RPRD2: variants seen among roughly 807,000 people sequenced by gnomAD.
RPRD2 encodes regulation of nuclear pre-mRNA domain containing 2, also known as regulation of nuclear pre-mRNA domain-containing protein 2.
In RPRD2, 12 loss-of-function variants were observed where a neutral mutation model predicts 104.4. The ratio of observed to expected loss-of-function variants is 0.11; its 90% CI spans 0.07 to 0.19. The LOEUF (loss-of-function observed/expected upper bound fraction) is 0.19, where lower values mean the gene tolerates loss of function less well. RPRD2 is among the 10% of genes least tolerant of loss of function. The pLI is 1.00. For missense variants in RPRD2, 1,543 were observed against 1,790.1 expected (o/e 0.86, Z 2.49); for synonymous variants, 714 against 684.9 (o/e 1.04, Z -0.66).
chr1:150,364,615 C>T lies in RPRD2; in HGVS notation c.-100C>T. 2 of 651,192 alleles carry T rather than the reference C, an allele frequency of 3.1e-6. No homozygotes were observed. The highest frequency in any genetic ancestry group is 1.9e-5 in the South Asian group (1 of 53,184). 40.3% of individuals were successfully genotyped at this position (651,192 alleles called of 1,614,324 possible). On this transcript the variant is annotated 5_prime_UTR_variant, in exon 1 of 11. Transcript: ENST00000369068. ...CCCACCCCCTAGCTTCCCTCCCCAC[C>T]TACGGCTTTCACGCACTCGCAGTGA...
At chr1:150,408,911 A>G (rs1663697920) in intron 1 of RPRD2, 1 of 152,190 alleles carries the variant, frequency 6.6e-6, no homozygotes, top group East Asian at 1.9e-4. Flanking sequence ...TTCAGGGGTT[A>G]CATCTCAGAT....
intron 1 of RPRD2, among the ~76,000 whole-genome samples, chr1:150,403,655 A>ATTT (rs113063728): frequency 6.6e-6 from 1 of 150,694 alleles, no homozygotes. Context: ...TTTACCCAAT[A>ATTT]TTTTTTTTTG....
chr1:150,451,733 A>G (rs968309218), intron 7 of RPRD2, among the ~76,000 whole-genome samples: 3 of 151,774 alleles, frequency 2.0e-5, no homozygotes, highest in Admixed American at 1.3e-4. Context: ...CCTAACCTTC[A>G]GTACATGTGA....
chr1:150,372,897 G>A (rs1232652611), intron 1 of RPRD2, among the ~76,000 whole-genome samples: 3 of 152,130 alleles, frequency 2.0e-5, no homozygotes, highest in Admixed American at 2.0e-4. Context: ...ATTATGGTGG[G>A]TGGTGTTGGG....
chr1:150,412,120 C>A (rs1259947883), intron 1 of RPRD2, among the ~76,000 whole-genome samples: 1 of 151,134 alleles, frequency 6.6e-6, no homozygotes, highest in Non-Finnish European at 1.5e-5. Flanking sequence ...GAGACTAAGT[C>A]TCCAAAAAAA....
chr1:150,395,513 C>CTT (rs71086506), intron 1 of RPRD2, among the ~76,000 whole-genome samples: 39,304 of 131,498 alleles, frequency 0.3, 6,922 homozygotes, highest in Non-Finnish European at 0.37. Context: ...ATGCAAATAT[C>CTT]TTTTTTTTTT....
At chr1:150,401,908 G>T (rs1468654657) in intron 1 of RPRD2, among the ~76,000 whole-genome samples, 1 of 151,210 alleles carries the variant, frequency 6.6e-6, no homozygotes, top group Non-Finnish European at 1.5e-5. Flanking sequence ...CTCCCAAAGT[G>T]CTGGGATTAC....
chr1:150,384,211 T>C (rs1272251115), intron 1 of RPRD2, among the ~76,000 whole-genome samples: 1 of 152,072 alleles, frequency 6.6e-6, no homozygotes, highest in East Asian at 1.9e-4. Flanking sequence ...ACTTTGGTAA[T>C]GTAAGAGTTT....
chr1:150,453,497 A>T (rs1358758022), intron 7 of RPRD2, among the ~76,000 whole-genome samples: 3 of 152,164 alleles, frequency 2.0e-5, no homozygotes, highest in Non-Finnish European at 4.4e-5. Context: ...TCTCTAAGCC[A>T]CTGAGTTTTT....
intron 4 of RPRD2, among the ~76,000 whole-genome samples, chr1:150,442,958 C>T (rs1553894772): frequency 6.6e-6 from 1 of 151,942 alleles, no homozygotes; most frequent in African/African-American, 2.4e-5. Flanking sequence ...TGATGTATCT[C>T]GGTGTCTCCA....
chr1:150,407,264 T>G (rs1663554458), intron 1 of RPRD2, among the ~76,000 whole-genome samples: 1 of 152,216 alleles, frequency 6.6e-6, no homozygotes, highest in Non-Finnish European at 1.5e-5. Context: ...TCTCCCCAGA[T>G]AAACTTAATT....
At chr1:150,435,880 G>C (rs1176043206) in intron 2 of RPRD2, among the ~76,000 whole-genome samples, 3 of 152,222 alleles carry the variant, frequency 2.0e-5, no homozygotes, top group Non-Finnish European at 4.4e-5. Flanking sequence ...TAGCTAGAAG[G>C]AAGTCAGTCC....
intron 2 of RPRD2, among the ~76,000 whole-genome samples, chr1:150,438,239 G>A: frequency 6.6e-6 from 1 of 152,110 alleles, no homozygotes; most frequent in East Asian, 1.9e-4. Flanking sequence ...GCAGTGAGCG[G>A]AGGTGGTGCC....
At chr1:150,387,909 TTC>T (rs1269600925) in intron 1 of RPRD2, among the ~76,000 whole-genome samples, 17 of 141,696 alleles carry the variant, frequency 1.2e-4, no homozygotes, top group Non-Finnish European at 1.8e-4. Flanking sequence ...TTTTTTTCTT[TTC>T]TCTTTTTTTT....
chr1:150,448,813 G>A (rs995797651), intron 7 of RPRD2, among the ~76,000 whole-genome samples: 7 of 152,042 alleles, frequency 4.6e-5, no homozygotes, highest in Admixed American at 2.0e-4. Context: ...TAAGTCTTAG[G>A]CTAAAATAGC....
chr1:150,390,312 T>C (rs1661966089), intron 1 of RPRD2, among the ~76,000 whole-genome samples: 1 of 152,056 alleles, frequency 6.6e-6, no homozygotes. Context: ...CTGGCCAACA[T>C]GGTGAAACTC....
chr1:150,452,661 C>CCTTT (rs1553896876), intron 7 of RPRD2, among the ~76,000 whole-genome samples: 3 of 71,230 alleles, frequency 4.2e-5, no homozygotes, highest in African/African-American at 1.1e-4. Context: ...GACATATCCC[C>CCTTT]TTTTTTTTTT....
At chr1:150,394,937 G>GT (rs1662374177) in intron 1 of RPRD2, among the ~76,000 whole-genome samples, 1 of 152,076 alleles carries the variant, frequency 6.6e-6, no homozygotes, top group African/African-American at 2.4e-5. Flanking sequence ...CAAAACAAAG[G>GT]TTTTATCAGA....
chr1:150,396,265 C>A (rs1440936933), intron 1 of RPRD2, among the ~76,000 whole-genome samples: 1 of 149,550 alleles, frequency 6.7e-6, no homozygotes, highest in East Asian at 2.0e-4. Flanking sequence ...ATTTGTTAGA[C>A]GTATAGATTG....
Sources: gnomAD v4.1 joint callset for allele counts (sites outside exome capture counted in the v4.1 genomes callset) on GRCh38, gnomAD v4.1.1 for gene constraint, MANE v1.5 for transcripts, NCBI Gene and HGNC (gene_info 2026-07-23, HGNC 2026-07-21) for gene names.